The following DMD variants were observed in gnomAD, a reference collection of about 807,000 sequenced individuals.
The protein encoded by DMD is mutant dystrophin.
DMD carries 63 observed loss-of-function variants against 330.1 expected under a neutral mutation model. The ratio of observed to expected loss-of-function variants is 0.19; its 90% CI spans 0.16 to 0.24. The LOEUF (loss-of-function observed/expected upper bound fraction) is 0.24. Ranked by LOEUF, DMD falls within the 10% of genes least tolerant of loss-of-function variation. The pLI, the probability that DMD is intolerant of heterozygous loss-of-function variation, is 1.00. For missense variants in DMD, 3,344 were observed against 2,684.1 expected (o/e 1.25, Z -5.43); for synonymous variants, 1,223 against 959.8 (o/e 1.27, Z -5.07).
At chrX:32,014,057 A>G (rs2095739392) in intron 44 of DMD, among the ~76,000 whole-genome samples, 1 of 112,284 alleles carries the variant, frequency 8.9e-6, no homozygotes. Context: ...CTTCCTAATG[A>G]AAAGTTCTGA....
At chrX:32,027,712 C>T (rs2095856649) in intron 44 of DMD, among the ~76,000 whole-genome samples, 1 of 112,302 alleles carries the variant, frequency 8.9e-6, no homozygotes, top group Non-Finnish European at 1.9e-5. Flanking sequence ...AGAATCAATA[C>T]ATCCATCTTC....
chrX:31,360,034 T>C (rs1353861224), intron 60 of DMD, among the ~76,000 whole-genome samples: 2 of 109,993 alleles, frequency 1.8e-5, no homozygotes, highest in Non-Finnish European at 3.8e-5. Context: ...AGAAACACTC[T>C]GGGTGACAAG....
At chrX:31,922,338 T>A (rs959156428) in intron 47 of DMD, among the ~76,000 whole-genome samples, 39 of 111,544 alleles carry the variant, frequency 3.5e-4, no homozygotes, top group African/African-American at 1.3e-3. Context: ...TTCATCTGTG[T>A]CCTTTGCAAT....
intron 51 of DMD, among the ~76,000 whole-genome samples, chrX:31,747,616 G>C (rs73210174): frequency 0.05 from 5,586 of 111,328 alleles, 137 homozygotes; most frequent in Non-Finnish European, 0.07. Context: ...CTGTGGCATA[G>C]TTCCAAGCAA....
At chrX:31,134,712 C>A (rs1002996264) in intron 76 of DMD, among the ~76,000 whole-genome samples, 1 of 112,428 alleles carries the variant, frequency 8.9e-6, no homozygotes, top group African/African-American at 3.2e-5. Flanking sequence ...TGAGCCAACA[C>A]GCCCAGCCTA....
At chrX:32,411,533 T>C (rs1569561663) in intron 30 of DMD, among the ~76,000 whole-genome samples, 2 of 111,861 alleles carry the variant, frequency 1.8e-5, no homozygotes, top group Non-Finnish European at 3.8e-5. Flanking sequence ...CTTTGAAATG[T>C]CTTTATTTCA....
At chrX:31,798,490 T>C (rs2091926675) in intron 50 of DMD, among the ~76,000 whole-genome samples, 1 of 97,331 alleles carries the variant, frequency 1.0e-5, no homozygotes, top group Non-Finnish European at 2.1e-5. Context: ...ACAGGGGAAA[T>C]AAAGAGGAAT....
chrX:33,049,465 G>A (rs982680508), intron 1 of DMD, among the ~76,000 whole-genome samples: 1 of 111,170 alleles, frequency 9.0e-6, no homozygotes, highest in South Asian at 3.8e-4. Context: ...GGCAAACATG[G>A]GGAAAAGAGA....
chrX:31,884,604 G>A (rs1465601816), intron 47 of DMD, among the ~76,000 whole-genome samples: 2 of 111,380 alleles, frequency 1.8e-5, no homozygotes, highest in East Asian at 2.8e-4. Context: ...TAACAATAAC[G>A]TATACTTGGA....
At chrX:31,292,755 A>G (rs1039356379) in intron 62 of DMD, among the ~76,000 whole-genome samples, 1 of 112,367 alleles carries the variant, frequency 8.9e-6, no homozygotes, top group Non-Finnish European at 1.9e-5. Context: ...TACATTTTAA[A>G]TGGGATATCA....
chrX:32,583,976 C>T (rs757168291), intron 13 of DMD, among the ~76,000 whole-genome samples: 11 of 111,296 alleles, frequency 9.9e-5, no homozygotes, highest in African/African-American at 2.9e-4. Flanking sequence ...TAAATTTAAA[C>T]TTCTGTTTAT....
At chrX:32,733,067 G>T (rs1374337141) in intron 7 of DMD, among the ~76,000 whole-genome samples, 2 of 108,147 alleles carry the variant, frequency 1.8e-5, no homozygotes, top group African/African-American at 6.9e-5. Context: ...GATGGAGGAA[G>T]ATCTACCAAG....
At chrX:32,621,563 A>G (rs1461489543) in intron 11 of DMD, among the ~76,000 whole-genome samples, 1 of 109,354 alleles carries the variant, frequency 9.1e-6, no homozygotes, top group Non-Finnish European at 1.9e-5. Flanking sequence ...AGCTCAAGCA[A>G]TCCTCTCCCC....
intron 63 of DMD, among the ~76,000 whole-genome samples, chrX:31,223,615 C>G (rs963835716): frequency 1.8e-5 from 2 of 111,660 alleles, no homozygotes; most frequent in African/African-American, 6.5e-5. Context: ...CATATATAAT[C>G]AAATAAATCA....
intron 44 of DMD, among the ~76,000 whole-genome samples, chrX:31,988,289 G>A (rs1450713802): frequency 9.2e-6 from 1 of 108,526 alleles, no homozygotes; most frequent in African/African-American, 3.4e-5. Flanking sequence ...TGGCTAACAC[G>A]GTGAAACTCC....
chrX:31,173,527 C>T lies in DMD; in HGVS notation c.10328+12G>A. 1 of 1,206,243 alleles carries T rather than the reference C, an allele frequency of 8.3e-7. No homozygotes were observed. Among genetic ancestry groups the T allele is most frequent in the Non-Finnish European group, 1.1e-6 (1 of 890,760 alleles). On this transcript the variant is annotated intron_variant, in intron 72 of 78. Coordinates refer to ENST00000357033, the MANE Select transcript of DMD (RefSeq NM_004006.3). ...CAATCAATATTTGCCTGGCATACAA[C>T]TAGTCTCATACCTGCTAGCATAATG...
intron 62 of DMD, among the ~76,000 whole-genome samples, chrX:31,263,958 C>T (rs768056053): frequency 2.7e-5 from 3 of 112,423 alleles, no homozygotes; most frequent in Admixed American, 9.4e-5. Context: ...ATTCACTTCA[C>T]GGCTTGTTAT....
intron 1 of DMD, among the ~76,000 whole-genome samples, chrX:33,298,263 C>T (rs938044884): frequency 4.5e-5 from 5 of 111,326 alleles, no homozygotes; most frequent in African/African-American, 1.6e-4. Context: ...CATCCAGAAA[C>T]ACAGAGATAA....
At chrX:33,077,119 A>C (rs1480700180) in intron 1 of DMD, among the ~76,000 whole-genome samples, 2 of 111,018 alleles carry the variant, frequency 1.8e-5, no homozygotes, top group Non-Finnish European at 3.8e-5. Flanking sequence ...TCAAGCACTG[A>C]TCTTAGGAGC....
Sources: allele counts gnomAD v4.1 joint callset (sites outside exome capture counted in the v4.1 genomes callset), GRCh38; gene constraint gnomAD v4.1.1; transcripts MANE v1.5; gene names NCBI Gene and HGNC (gene_info 2026-07-23, HGNC 2026-07-21).